The following SYT6 variants were observed in gnomAD, a reference collection of about 807,000 sequenced individuals.
The protein encoded by SYT6 is synaptotagmin 6.
A neutral mutation model predicts 38.4 loss-of-function variants in SYT6; 24 were observed. That is an observed-to-expected ratio of 0.62 (90% CI 0.45 to 0.88). SYT6 has a LOEUF of 0.88. Among genes scored for constraint, SYT6 ranks in the 40% least tolerant of loss-of-function variants. The pLI, the probability that SYT6 is intolerant of heterozygous loss-of-function variation, is 0.00. For missense variants in SYT6, 611 were observed against 621.0 expected, an observed-to-expected ratio of 0.98 and a Z score of 0.17; for synonymous variants, 265 against 241.9, an observed-to-expected ratio of 1.10 and a Z score of -0.89.
At chr1:114,108,643 C>T (rs946736496) in intron 3 of SYT6, among the ~76,000 whole-genome samples, 10 of 152,328 alleles carry the variant, frequency 6.6e-5, no homozygotes, top group Non-Finnish European at 1.0e-4. Flanking sequence ...TGGTGTCTAT[C>T]GCCTGCCTCA....
At chr1:114,140,569 TA>T (rs1379806440) in intron 1 of SYT6, among the ~76,000 whole-genome samples, 1 of 152,162 alleles carries the variant, frequency 6.6e-6, no homozygotes, top group Non-Finnish European at 1.5e-5. Flanking sequence ...ATAATCTCTT[TA>T]AGGGCAAGGA....
intron 1 of SYT6, among the ~76,000 whole-genome samples, chr1:114,144,306 C>T (rs1028638636): frequency 1.3e-5 from 2 of 152,150 alleles, no homozygotes; most frequent in Non-Finnish European, 2.9e-5. Context: ...TGTCCAAATG[C>T]CTTAAAAATC....
At position 114,141,541 on chromosome 1, in the gene SYT6, C is replaced by G. The variant is rs531742831; in HGVS notation, c.164-1578G>C. 2.0e-5 allele frequency among the ~76,000 whole-genome samples: 3 copies of G among 152,306 alleles called. No homozygotes were observed. In the East Asian group the frequency reaches 5.8e-4, roughly 29 times the overall value. The stretch of plus-strand genomic sequence containing the variant: ...AAGTCCTCTCCATAATGCAAAAGTT[C>G]AAAGATGAAGCAGCAAGTGCTGATG... On this transcript the variant is annotated intron_variant, in intron 1 of 7. Coordinates refer to ENST00000610222, the MANE Select transcript of SYT6 (RefSeq NM_001253772.2).
At chr1:114,141,610 T>C (rs1010304210) in intron 1 of SYT6, among the ~76,000 whole-genome samples, 5 of 152,178 alleles carry the variant, frequency 3.3e-5, no homozygotes, top group Non-Finnish European at 7.3e-5. Context: ...CTAAGATAAT[T>C]GATGAAGGTG....
At chr1:114,115,978 G>T (rs1199060985) in intron 3 of SYT6, among the ~76,000 whole-genome samples, 1 of 152,138 alleles carries the variant, frequency 6.6e-6, no homozygotes, top group African/African-American at 2.4e-5. Context: ...GGCTGCCGAG[G>T]ACCGTGTAGG....
At chr1:114,095,098 C>T (rs1675554895) in intron 6 of SYT6, among the ~76,000 whole-genome samples, 1 of 152,138 alleles carries the variant, frequency 6.6e-6, no homozygotes, top group Non-Finnish European at 1.5e-5. Flanking sequence ...ATCAGCTGAG[C>T]AGAAAATGGC....
intron 3 of SYT6, among the ~76,000 whole-genome samples, chr1:114,132,999 C>T (rs1425406890): frequency 6.6e-6 from 1 of 152,196 alleles, no homozygotes; most frequent in Non-Finnish European, 1.5e-5. Context: ...CAACTCTGCT[C>T]ATTTCCAAGC....
intron 2 of SYT6, among the ~76,000 whole-genome samples, chr1:114,138,372 A>G (rs915289034): frequency 2.0e-5 from 3 of 152,210 alleles, no homozygotes; most frequent in African/African-American, 7.2e-5. Flanking sequence ...CCTAGTAGAC[A>G]TGACTCTGGT....
At chr1:114,096,600 T>A (rs1675655809) in intron 6 of SYT6, among the ~76,000 whole-genome samples, 1 of 151,900 alleles carries the variant, frequency 6.6e-6, no homozygotes, top group South Asian at 2.1e-4. Context: ...CAGAAACAGG[T>A]GGAAATGGGC....
chr1:114,139,018 T>A (rs1447308997), intron 2 of SYT6, among the ~76,000 whole-genome samples: 1 of 152,220 alleles, frequency 6.6e-6, no homozygotes, highest in African/African-American at 2.4e-5. Context: ...GCCTTACGCA[T>A]GCTTGCACCA....
intron 3 of SYT6, among the ~76,000 whole-genome samples, chr1:114,126,491 T>C (rs1200509942): frequency 6.6e-6 from 1 of 152,100 alleles, no homozygotes; most frequent in Non-Finnish European, 1.5e-5. Flanking sequence ...AGAGGGGATG[T>C]TTGGCTGTTG....
At chr1:114,116,483 T>C (rs1677002689) in intron 3 of SYT6, among the ~76,000 whole-genome samples, 1 of 152,230 alleles carries the variant, frequency 6.6e-6, no homozygotes, top group African/African-American at 2.4e-5. Context: ...CCCTGTCTCC[T>C]GTAAAGGTGT....
At chr1:114,126,536 A>G (rs1677751803) in intron 3 of SYT6, among the ~76,000 whole-genome samples, 1 of 152,192 alleles carries the variant, frequency 6.6e-6, no homozygotes, top group Admixed American at 6.5e-5. Flanking sequence ...TCTCCAGGAG[A>G]AAATGTCACT....
Position 114,139,625 on chromosome 1 carries a change from A to ACGCTGGCTCTGTAGTTTGC in SYT6, c.483_501dup (p.Ser168AlafsTer32). The ACGCTGGCTCTGTAGTTTGC allele has an allele frequency of 1.2e-6, 2 of 1,614,122 alleles. No homozygotes were observed. The highest frequency in any genetic ancestry group is 1.7e-6 in the Non-Finnish European group (2 of 1,180,026). On this transcript the variant is annotated frameshift_variant, in exon 2 of 8. Coordinates refer to ENST00000610222, the MANE Select transcript of SYT6 (RefSeq NM_001253772.2). LOFTEE classifies it high-confidence loss of function. ...TGGTCCACTCCTCACCTGGTGGATG[A>ACGCTGGCTCTGTAGTTTGC]CGCTGGCTCTGTAGTTTGCCGCTGC...
chr1:114,095,624 C>T (rs1021188132), intron 6 of SYT6, among the ~76,000 whole-genome samples: 1 of 151,834 alleles, frequency 6.6e-6, no homozygotes, highest in Non-Finnish European at 1.5e-5. Flanking sequence ...CTCATTTTAC[C>T]AAGGAACCCA....
chr1:114,144,133 T>C (rs1679035636), intron 1 of SYT6, among the ~76,000 whole-genome samples: 1 of 152,220 alleles, frequency 6.6e-6, no homozygotes, highest in Admixed American at 6.5e-5. Flanking sequence ...GACTTCTGAA[T>C]TCACTGGAAA....
chr1:114,119,043 G>A (rs1384340664), intron 3 of SYT6, among the ~76,000 whole-genome samples: 1 of 152,206 alleles, frequency 6.6e-6, no homozygotes, highest in Non-Finnish European at 1.5e-5. Context: ...GATAAAGGTG[G>A]GAATCGGGTC....
At chr1:114,109,240 A>T (rs912142452) in intron 3 of SYT6, among the ~76,000 whole-genome samples, 4 of 152,196 alleles carry the variant, frequency 2.6e-5, no homozygotes, top group African/African-American at 9.7e-5. Flanking sequence ...TGGGGACTAC[A>T]TGATGAATGC....
intron 7 of SYT6, among the ~76,000 whole-genome samples, chr1:114,092,687 A>G (rs994909554): frequency 3.3e-5 from 5 of 152,132 alleles, no homozygotes; most frequent in African/African-American, 9.7e-5. Flanking sequence ...CTCCTAGGTC[A>G]CAGACTGCCT....
Sources: allele counts gnomAD v4.1 joint callset (sites outside exome capture counted in the v4.1 genomes callset), GRCh38; gene constraint gnomAD v4.1.1; transcripts MANE v1.5; gene names NCBI Gene and HGNC (gene_info 2026-07-23, HGNC 2026-07-21).